Variants in RAB27A observed in about 807,000 individuals in gnomAD.
RAB27A encodes ras-related protein Rab-27A.
In RAB27A, 17 loss-of-function variants were observed where a neutral mutation model predicts 20.8. That is an observed-to-expected ratio of 0.82 (90% CI 0.56 to 1.23). The LOEUF is 1.23. RAB27A is among the 50% of genes most tolerant of loss of function. RAB27A has a pLI of 0.00. For missense variants in RAB27A, 277 were observed against 266.7 expected (o/e 1.04, Z -0.27); for synonymous variants, 85 against 92.8 (o/e 0.92, Z 0.48).
chr15:55,210,228 T>A (rs1894950959), intron 6 of RAB27A, among the ~76,000 whole-genome samples: 2 of 150,344 alleles, frequency 1.3e-5, no homozygotes, highest in African/African-American at 4.9e-5. Flanking sequence ...TATGTATATA[T>A]ACACACATAT....
intron 2 of RAB27A, among the ~76,000 whole-genome samples, chr15:55,236,796 GA>G (rs1239919100): frequency 4.6e-5 from 7 of 152,112 alleles, no homozygotes; most frequent in Admixed American, 4.6e-4. Context: ...ATGATCACAT[GA>G]AGGTATTTAG....
intron 1 of RAB27A, among the ~76,000 whole-genome samples, chr15:55,286,611 G>T (rs2141130210): frequency 6.6e-6 from 1 of 152,288 alleles, no homozygotes; most frequent in Middle Eastern, 3.4e-3. Flanking sequence ...AGGTCCTGAG[G>T]TATGGCTGGA....
chr15:55,224,059 T>A, intron 5 of RAB27A, 47 bp from the exon 6 acceptor site: 2 of 1,435,262 alleles, frequency 1.4e-6, no homozygotes, highest in African/African-American at 1.4e-5. Flanking sequence ...ATAATGTAAG[T>A]GTATGATCAG....
At chr15:55,262,435 G>A (rs143638441) in intron 2 of RAB27A, among the ~76,000 whole-genome samples, 1,698 of 151,572 alleles carry the variant, frequency 0.011, 15 homozygotes, top group Non-Finnish European at 0.014. Context: ...TCAGGTACTC[G>A]GGAGGCTGAG....
chr15:55,240,109 CTTAT>C (rs1338325617), intron 2 of RAB27A, among the ~76,000 whole-genome samples: 6 of 152,110 alleles, frequency 3.9e-5, no homozygotes, highest in African/African-American at 1.4e-4. Flanking sequence ...TTTTTGTTCT[CTTAT>C]TTATTATTCA....
At chr15:55,278,450 G>C (rs754180207) in intron 1 of RAB27A, among the ~76,000 whole-genome samples, 1 of 151,086 alleles carries the variant, frequency 6.6e-6, no homozygotes, top group Non-Finnish European at 1.5e-5. Context: ...CTTCATAATA[G>C]CACCAGATTA....
At chr15:55,274,946 A>G (rs779045654) in intron 1 of RAB27A, among the ~76,000 whole-genome samples, 1 of 151,222 alleles carries the variant, frequency 6.6e-6, no homozygotes, top group African/African-American at 2.4e-5. Context: ...ACAAAGAATA[A>G]TAAGAGATAC....
At chr15:55,217,398 A>C (rs1349517456) in intron 6 of RAB27A, among the ~76,000 whole-genome samples, 1 of 151,970 alleles carries the variant, frequency 6.6e-6, no homozygotes, top group Non-Finnish European at 1.5e-5. Context: ...GCGGTGGCTC[A>C]CCTGTAATCC....
chr15:55,210,411 G>GTTTT (rs1566897430), intron 6 of RAB27A, among the ~76,000 whole-genome samples: 2 of 111,156 alleles, frequency 1.8e-5, no homozygotes, highest in African/African-American at 1.0e-4. Context: ...ATTTAGGTGT[G>GTTTT]GTTTTTTTTT....
intron 2 of RAB27A, among the ~76,000 whole-genome samples, chr15:55,296,678 CT>C (rs112129152): frequency 0.082 from 12,403 of 151,162 alleles, 616 homozygotes; most frequent in East Asian, 0.18. Context: ...TATAATTTTG[CT>C]TTTTTTTTGG....
chr15:55,232,201 T>G (rs142788661), intron 3 of RAB27A, among the ~76,000 whole-genome samples: 19 of 152,338 alleles, frequency 1.2e-4, no homozygotes, highest in African/African-American at 3.4e-4. Context: ...AGGAATTTAA[T>G]AAACTCTCTC....
intron 2 of RAB27A, among the ~76,000 whole-genome samples, chr15:55,266,499 C>T (rs1397239255): frequency 6.6e-6 from 1 of 152,100 alleles, no homozygotes; most frequent in Non-Finnish European, 1.5e-5. Flanking sequence ...ATCAATATAA[C>T]TTCTTAACAG....
At chr15:55,218,293 C>A (rs1895409206) in intron 6 of RAB27A, among the ~76,000 whole-genome samples, 1 of 152,208 alleles carries the variant, frequency 6.6e-6, no homozygotes, top group South Asian at 2.1e-4. Flanking sequence ...TGGGATATTG[C>A]AGCAAATGAA....
intron 5 of RAB27A, among the ~76,000 whole-genome samples, chr15:55,226,126 T>C (rs1311057076): frequency 6.6e-6 from 1 of 152,214 alleles, no homozygotes; most frequent in African/African-American, 2.4e-5. Context: ...TTTAGAAATG[T>C]AGGCTACTTT....
intron 4 of RAB27A, among the ~76,000 whole-genome samples, chr15:55,230,035 G>T (rs1895968372): frequency 6.6e-6 from 1 of 152,124 alleles, no homozygotes; most frequent in African/African-American, 2.4e-5. Flanking sequence ...CTGGTCACAT[G>T]AATTAATTCC....
chr15:55,230,281 G>A, intron 4 of RAB27A, 120 bp downstream of exon 4: 2 of 897,920 alleles, frequency 2.2e-6, no homozygotes, highest in Non-Finnish European at 3.7e-6. Context: ...TGCTAATTTG[G>A]CAGCATTCAA....
chr15:55,211,963 T>A (rs1192303383), intron 6 of RAB27A, among the ~76,000 whole-genome samples: 1 of 151,586 alleles, frequency 6.6e-6, no homozygotes, highest in Non-Finnish European at 1.5e-5. Context: ...ATAACCTTTT[T>A]TTTTTTTTTT....
chr15:55,265,148 A>C (rs1159216310), intron 2 of RAB27A, among the ~76,000 whole-genome samples: 1 of 152,188 alleles, frequency 6.6e-6, no homozygotes, highest in African/African-American at 2.4e-5. Flanking sequence ...AGGCTGAGGC[A>C]GGAGAAACAT....
At chr15:55,278,456 G>T (rs916262120) in intron 1 of RAB27A, among the ~76,000 whole-genome samples, 2 of 150,956 alleles carry the variant, frequency 1.3e-5, no homozygotes, top group African/African-American at 4.9e-5. Context: ...AATAGCACCA[G>T]ATTATTCAGT....
Sources: gnomAD v4.1 joint callset for allele counts (sites outside exome capture counted in the v4.1 genomes callset) on GRCh38, gnomAD v4.1.1 for gene constraint, MANE v1.5 for transcripts, NCBI Gene and HGNC (gene_info 2026-07-23, HGNC 2026-07-21) for gene names.